The following CNTNAP2 variants were observed in gnomAD, a reference collection of about 807,000 sequenced individuals.
CNTNAP2 encodes contactin associated protein 2.
A neutral mutation model predicts 155.2 loss-of-function variants in CNTNAP2; 98 were observed. The observed-to-expected ratio is 0.63, with a 90% confidence interval of 0.54 to 0.75. The LOEUF (loss-of-function observed/expected upper bound fraction) is 0.75, where lower values mean the gene tolerates loss of function less well. CNTNAP2 is among the 30% of genes least tolerant of loss of function. The pLI is 0.00. For missense variants in CNTNAP2, 1,727 were observed against 1,688.1 expected (o/e 1.02, Z -0.40); for synonymous variants, 651 against 631.2 (o/e 1.03, Z -0.47).
chr7:147,604,572 G>T (rs1801026313), intron 12 of CNTNAP2, among the ~76,000 whole-genome samples: 1 of 152,110 alleles, frequency 6.6e-6, no homozygotes, highest in Non-Finnish European at 1.5e-5. Flanking sequence ...CTACTTCTCT[G>T]CCCCACCCAC....
At chr7:148,126,270 C>G (rs1170499942) in intron 16 of CNTNAP2, among the ~76,000 whole-genome samples, 1 of 152,116 alleles carries the variant, frequency 6.6e-6, no homozygotes, top group Non-Finnish European at 1.5e-5. Flanking sequence ...GGTTACGGAA[C>G]ATTAGTTACC....
intron 1 of CNTNAP2, among the ~76,000 whole-genome samples, chr7:146,397,073 A>G (rs1191179299): frequency 6.6e-6 from 1 of 152,152 alleles, no homozygotes; most frequent in East Asian, 1.9e-4. Flanking sequence ...CCCTTATTTT[A>G]CTTTCCAACT....
At chr7:148,143,204 G>A (rs1425589674) in intron 16 of CNTNAP2, among the ~76,000 whole-genome samples, 3 of 152,194 alleles carry the variant, frequency 2.0e-5, no homozygotes, top group South Asian at 2.1e-4. Context: ...GGGAAACTAT[G>A]GATATAATCC....
intron 3 of CNTNAP2, among the ~76,000 whole-genome samples, chr7:146,940,385 C>G (rs180797398): frequency 1.3e-5 from 2 of 151,652 alleles, no homozygotes; most frequent in Non-Finnish European, 2.9e-5. Flanking sequence ...TTAGTAGAGA[C>G]GGGTTTCACC....
chr7:147,132,961 A>G (rs1029443846), intron 8 of CNTNAP2, among the ~76,000 whole-genome samples: 1 of 152,156 alleles, frequency 6.6e-6, no homozygotes, highest in South Asian at 2.1e-4. Flanking sequence ...CAGAACTTCA[A>G]AATGATCTTG....
chr7:147,299,436 T>TG (rs1285788041), intron 8 of CNTNAP2, among the ~76,000 whole-genome samples: 2 of 143,368 alleles, frequency 1.4e-5, no homozygotes, highest in African/African-American at 6.0e-5. Flanking sequence ...TTTTGCTGTT[T>TG]TTTTTTTTTA....
chr7:147,446,028 C>A (rs1019845264), intron 10 of CNTNAP2, among the ~76,000 whole-genome samples: 4 of 152,016 alleles, frequency 2.6e-5, no homozygotes, highest in Non-Finnish European at 4.4e-5. Context: ...TGATAAATCG[C>A]CTACCACCCT....
chr7:146,225,095 C>G (rs1333090451), intron 1 of CNTNAP2, among the ~76,000 whole-genome samples: 1 of 152,072 alleles, frequency 6.6e-6, no homozygotes, highest in Non-Finnish European at 1.5e-5. Context: ...TTAAGGGGCA[C>G]TTTGAATACA....
intron 14 of CNTNAP2, among the ~76,000 whole-genome samples, chr7:147,940,686 C>T (rs1018378801): frequency 1.3e-5 from 2 of 152,086 alleles, no homozygotes; most frequent in Non-Finnish European, 2.9e-5. Context: ...AGACAAGCGC[C>T]ATCACACCTG....
chr7:147,883,586 A>G (rs1028885616), intron 13 of CNTNAP2, among the ~76,000 whole-genome samples: 1 of 152,206 alleles, frequency 6.6e-6, no homozygotes, highest in South Asian at 2.1e-4. Context: ...GAAAAATTGC[A>G]GCTATTCTTT....
chr7:147,717,146 T>A (rs75553756), intron 13 of CNTNAP2, among the ~76,000 whole-genome samples: 4,280 of 152,228 alleles, frequency 0.028, 87 homozygotes, highest in Middle Eastern at 0.11. Context: ...TCACCTTTCC[T>A]TTAGGTCCTA....
chr7:146,336,457 A>T (rs1801276563), intron 1 of CNTNAP2, among the ~76,000 whole-genome samples: 1 of 152,270 alleles, frequency 6.6e-6, no homozygotes, highest in African/African-American at 2.4e-5. Context: ...AACTTTTAGA[A>T]TATAACATCG....
At chr7:146,491,070 A>G (rs186878803) in intron 1 of CNTNAP2, among the ~76,000 whole-genome samples, 152 of 152,298 alleles carry the variant, frequency 1.0e-3, no homozygotes, top group African/African-American at 3.6e-3. Context: ...TGAAAAAGGC[A>G]TAAAGATTTT....
chr7:147,939,149 A>G (rs2116811731), intron 14 of CNTNAP2, among the ~76,000 whole-genome samples: 1 of 152,294 alleles, frequency 6.6e-6, no homozygotes. Context: ...TGATAAAAAG[A>G]TGTTCGCATA....
chr7:147,339,517 G>A (rs1379616287), intron 9 of CNTNAP2, among the ~76,000 whole-genome samples: 1 of 152,038 alleles, frequency 6.6e-6, no homozygotes, highest in Non-Finnish European at 1.5e-5. Context: ...GACTCCATGA[G>A]CCAAATAAAC....
chr7:147,973,469 G>A (rs1307344946), intron 14 of CNTNAP2, among the ~76,000 whole-genome samples: 1 of 151,976 alleles, frequency 6.6e-6, no homozygotes, highest in Non-Finnish European at 1.5e-5. Context: ...CTAGCTATAC[G>A]GCAACCTTTT....
chr7:148,330,884 GA>G (rs1375632234), intron 21 of CNTNAP2, among the ~76,000 whole-genome samples: 1 of 100,966 alleles, frequency 9.9e-6, no homozygotes, highest in Non-Finnish European at 2.6e-5. Flanking sequence ...TGGCTGGATG[GA>G]ATGGATGGAT....
chr7:147,467,541 C>A (rs1563215537), intron 10 of CNTNAP2, among the ~76,000 whole-genome samples: 1 of 152,054 alleles, frequency 6.6e-6, no homozygotes, highest in Non-Finnish European at 1.5e-5. Context: ...CAAAATGTTG[C>A]GGGGAGGAAG....
intron 1 of CNTNAP2, among the ~76,000 whole-genome samples, chr7:146,281,364 T>G (rs575883949): frequency 1.3e-5 from 2 of 152,168 alleles, no homozygotes; most frequent in South Asian, 4.1e-4. Flanking sequence ...GCTGATGAGG[T>G]AAAGAGGGTA....
Sources: allele counts gnomAD v4.1 joint callset (sites outside exome capture counted in the v4.1 genomes callset), GRCh38; gene constraint gnomAD v4.1.1; transcripts MANE v1.5; gene names NCBI Gene and HGNC (gene_info 2026-07-23, HGNC 2026-07-21).